Variants in SPSB4 observed in about 807,000 individuals in gnomAD.
SPSB4 encodes the protein SPRY domain-containing SOCS box protein 4.
A neutral mutation model predicts 20.9 loss-of-function variants in SPSB4; 21 were observed. The ratio of observed to expected loss-of-function variants is 1.01; its 90% CI spans 0.71 to 1.45. SPSB4 has a LOEUF of 1.45. SPSB4 is among the 40% of genes most tolerant of loss of function. SPSB4 has a pLI of 0.00. For missense variants in SPSB4, 399 were observed against 399.2 expected (o/e 1.00, Z 0.00); for synonymous variants, 207 against 183.8 (o/e 1.13, Z -1.02).
chr3:141,132,236 C>T lies in SPSB4; in HGVS notation c.695-14906C>T, dbSNP rs573649108. ...TGGCCAAAGTGCAGTGGCACGATCT[C>T]GGCTCACTGCAACCTCCGCCTCCCG... is the stretch of plus-strand genomic sequence containing the variant. On this transcript the variant is annotated intron_variant, in intron 2 of 2. Coordinates refer to ENST00000310546, the MANE Select transcript of SPSB4 (RefSeq NM_080862.3). 74 of 423,466 alleles carry T rather than the reference C, an allele frequency of 1.7e-4. No homozygotes were observed. The East Asian group carries it at 4.7e-3, about 27-fold the overall frequency. The allele number at this position is 423,466 out of a possible 1,614,324, so 26.2% of individuals were successfully genotyped here.
intron 2 of SPSB4, among the ~76,000 whole-genome samples, chr3:141,126,294 A>G (rs1939049750): frequency 6.6e-6 from 1 of 152,204 alleles, no homozygotes; most frequent in South Asian, 2.1e-4. Context: ...CCTTGGCCTG[A>G]GGAGTGGCAT....
intron 2 of SPSB4, among the ~76,000 whole-genome samples, chr3:141,108,098 C>T (rs1002699411): frequency 1.3e-5 from 2 of 152,108 alleles, no homozygotes; most frequent in Non-Finnish European, 2.9e-5. Context: ...GCCCCTTCTG[C>T]TGTGAATGGG....
rs899455885 is a variant in SPSB4, at chr3:141,112,170, CT to C, written c.695-34971del. Among the ~76,000 whole-genome samples the C allele has an allele frequency of 4.6e-5, 7 of 152,240 alleles. No homozygotes were observed. The South Asian group carries it at 6.2e-4, about 13-fold the overall frequency. On this transcript the variant is annotated intron_variant, in intron 2 of 2. Coordinates refer to ENST00000310546, the MANE Select transcript of SPSB4 (RefSeq NM_080862.3). ...TGCCCTTAGGCAGGTGGTGACCCCC[CT>C]GTGATCCACTTTCCTCATCTGTAAA...
chr3:141,081,872 G>A lies in SPSB4; in HGVS notation c.694+15074G>A, dbSNP rs149179564. ...GACGGCGTTAGGGGCTACTTCATAT[G>A]GCACTATTATTTATCTCAGCTTGTA... On this transcript the variant is annotated intron_variant, in intron 2 of 2. Transcript: ENST00000310546. Among the ~76,000 whole-genome samples, 851 of 152,260 alleles carry A rather than the reference G, an allele frequency of 5.6e-3. 13 individuals are homozygous for A. Among genetic ancestry groups the A allele is most frequent in the Non-Finnish European group, 6.0e-3 (409 of 68,020 alleles).
chr3:141,073,124 G>A (rs1279239405), intron 2 of SPSB4, among the ~76,000 whole-genome samples: 1 of 152,138 alleles, frequency 6.6e-6, no homozygotes, highest in Non-Finnish European at 1.5e-5. Flanking sequence ...GCCCCCTCTA[G>A]CTAATTAACA....
chr3:141,141,433 G>A (rs1939327425), intron 2 of SPSB4, among the ~76,000 whole-genome samples: 1 of 152,212 alleles, frequency 6.6e-6, no homozygotes, highest in South Asian at 2.1e-4. Flanking sequence ...CACGCTGGGA[G>A]TTGTAGACTG....
At position 141,147,139 on chromosome 3, in the gene SPSB4, C is replaced by T; in HGVS notation, c.695-3C>T. ...CACTCTAACTGCTTCCCTCTCATTG[C>T]AGCCGAGCCCCTGCCACTGATGGAC... On this transcript the variant is annotated splice_region_variant and splice_polypyrimidine_tract_variant and intron_variant, in intron 2 of 2. Coordinates refer to ENST00000310546, the MANE Select transcript of SPSB4 (RefSeq NM_080862.3). 6.2e-7 allele frequency: 1 copy of T among 1,613,880 alleles called. No homozygotes were observed. Among genetic ancestry groups the T allele is most frequent in the Non-Finnish European group, 8.5e-7 (1 of 1,180,004 alleles).
intron 2 of SPSB4, among the ~76,000 whole-genome samples, chr3:141,076,523 C>T (rs181040388): frequency 2.6e-5 from 4 of 152,372 alleles, no homozygotes; most frequent in East Asian, 3.9e-4. Context: ...CCAGCTCCAC[C>T]GCCCTGCACA....
chr3:141,132,042 G>A (rs539239558), intron 2 of SPSB4: 2 of 193,786 alleles, frequency 1.0e-5, no homozygotes, highest in African/African-American at 4.8e-5. Flanking sequence ...TTCAACAGGT[G>A]GTTTTTGATT....
chr3:141,130,198 TG>T (rs1939112524), intron 2 of SPSB4, among the ~76,000 whole-genome samples: 1 of 152,182 alleles, frequency 6.6e-6, no homozygotes, highest in South Asian at 2.1e-4. Flanking sequence ...ACCTAACAGA[TG>T]CAGACCCTGA....
chr3:141,122,306 G>T (rs1022757456), intron 2 of SPSB4, among the ~76,000 whole-genome samples: 1 of 152,134 alleles, frequency 6.6e-6, no homozygotes, highest in African/African-American at 2.4e-5. Context: ...TCCCAGAGGG[G>T]TACCTGCCTG....
At chr3:141,054,964 CAAAA>C (rs67391798) in intron 1 of SPSB4, among the ~76,000 whole-genome samples, 4 of 135,160 alleles carry the variant, frequency 3.0e-5, no homozygotes, top group Admixed American at 7.4e-5. Flanking sequence ...GACTCCGTCT[CAAAA>C]AAAAAAAAAA....
At chr3:141,056,164 C>A (rs564368671) in intron 1 of SPSB4, among the ~76,000 whole-genome samples, 1 of 152,192 alleles carries the variant, frequency 6.6e-6, no homozygotes, top group Non-Finnish European at 1.5e-5. Flanking sequence ...TGGTGGGAGA[C>A]GCTGGAGCAG....
At chr3:141,101,471 G>A (rs1257347303) in intron 2 of SPSB4, among the ~76,000 whole-genome samples, 1 of 152,198 alleles carries the variant, frequency 6.6e-6, no homozygotes, top group African/African-American at 2.4e-5. Context: ...CCAGCTACCA[G>A]GGGGAGAGCC....
rs576877478 is a variant in SPSB4, at chr3:141,109,057, A to T, written c.695-38085A>T. 7.9e-5 allele frequency among the ~76,000 whole-genome samples: 12 copies of T among 152,324 alleles called. No individual in the cohort carries two copies. The East Asian group carries it at 2.3e-3, about 29-fold the overall frequency. On this transcript the variant is annotated intron_variant, in intron 2 of 2. Coordinates refer to ENST00000310546, the MANE Select transcript of SPSB4 (RefSeq NM_080862.3). ...TGGGCCTTTTGGAGTCCAGTTTTTTAAATTTAGATTTTACTTATTTTGAAT... is the reference window on the plus strand; with the variant it reads ...TGGGCCTTTTGGAGTCCAGTTTTTTTAATTTAGATTTTACTTATTTTGAAT...
rs555848410 is a variant in SPSB4, at chr3:141,082,058, C to G, written c.694+15260C>G. Among the ~76,000 whole-genome samples, 7 of 152,290 alleles carry G rather than the reference C, an allele frequency of 4.6e-5. No homozygotes were observed. The East Asian group carries it at 1.3e-3, about 29-fold the overall frequency. On this transcript the variant is annotated intron_variant, in intron 2 of 2. Transcript: ENST00000310546. ...TGGCTGCCGCATGGGGAGCACACGT[C>G]TTTCTCTTTTCCTCCTGACCTGGTG...
chr3:141,093,541 G>A (rs767696145), intron 2 of SPSB4, among the ~76,000 whole-genome samples: 4 of 152,028 alleles, frequency 2.6e-5, no homozygotes, highest in Admixed American at 6.5e-5. Context: ...TGACATAGAG[G>A]AGGCCCAGAG....
At chr3:141,067,840 G>T (rs1257256885) in intron 2 of SPSB4, among the ~76,000 whole-genome samples, 2 of 152,200 alleles carry the variant, frequency 1.3e-5, no homozygotes, top group African/African-American at 4.8e-5. Flanking sequence ...TCTCAGAGGT[G>T]GCGCTGAAAG....
At chr3:141,137,210 A>C (rs1307117225) in intron 2 of SPSB4, among the ~76,000 whole-genome samples, 1 of 152,154 alleles carries the variant, frequency 6.6e-6, no homozygotes, top group Non-Finnish European at 1.5e-5. Context: ...GACTTTCCTG[A>C]AGTTTCTTAT....
Sources: allele counts gnomAD v4.1 joint callset (sites outside exome capture counted in the v4.1 genomes callset), GRCh38; gene constraint gnomAD v4.1.1; transcripts MANE v1.5; gene names NCBI Gene and HGNC (gene_info 2026-07-23, HGNC 2026-07-21).